The following GRM8 variants were observed in gnomAD, a reference collection of about 807,000 sequenced individuals.
The protein encoded by GRM8 is glutamate metabotropic receptor 8.
Under a neutral mutation model 87.2 loss-of-function variants are expected in GRM8, and 47 were observed. The observed-to-expected ratio is 0.54, with a 90% CI of 0.43 to 0.69. The LOEUF is 0.69. Among genes scored for constraint, GRM8 ranks in the 30% least tolerant of loss-of-function variants. GRM8 has a pLI of 0.00. For synonymous variants in GRM8, 396 were observed against 404.5 expected, an observed-to-expected ratio of 0.98 and a Z score of 0.25; for missense variants, 1,019 against 1,139.2, an observed-to-expected ratio of 0.89 and a Z score of 1.52.
In GRM8 at chr7:126,757,336, A is replaced by C. The variant is rs80332150; in HGVS notation, c.1357+12529T>G. On this transcript the variant is annotated intron_variant, in intron 7 of 10. Transcript: ENST00000339582. ...CAGGAGGATTTTGAGGTGCCAGCTG[A>C]GGATTTGGGGGTTTGTTTTGGTGTT... Among the ~76,000 whole-genome samples the C allele has an allele frequency of 3.5e-4, 54 of 152,158 alleles. No individual in the cohort carries two copies. The East Asian group carries it at 0.01, about 29-fold the overall frequency.
At chr7:126,853,669 A>G (rs921502496) in intron 6 of GRM8, among the ~76,000 whole-genome samples, 22 of 152,178 alleles carry the variant, frequency 1.4e-4, no homozygotes, top group Non-Finnish European at 1.9e-4. Flanking sequence ...GGACTTTACT[A>G]TAAGGATACA....
At chr7:126,515,922 C>A (rs1189265504) in intron 9 of GRM8, among the ~76,000 whole-genome samples, 1 of 151,954 alleles carries the variant, frequency 6.6e-6, no homozygotes, top group Non-Finnish European at 1.5e-5. Context: ...CTTTGGGAGG[C>A]CCTTATTCTG....
At chr7:126,746,712 T>A (rs1022134858) in intron 7 of GRM8, among the ~76,000 whole-genome samples, 31 of 151,620 alleles carry the variant, frequency 2.0e-4, no homozygotes. Context: ...TGACTCCCTT[T>A]TGCCTACACT....
At chr7:126,722,163 C>A (rs563880470) in intron 7 of GRM8, among the ~76,000 whole-genome samples, 4 of 152,260 alleles carry the variant, frequency 2.6e-5, no homozygotes, top group African/African-American at 9.6e-5. Context: ...TCCAACTGGA[C>A]CTCTCCAGAA....
intron 3 of GRM8, among the ~76,000 whole-genome samples, chr7:126,919,230 C>T (rs1364811027): frequency 6.6e-6 from 1 of 152,118 alleles, no homozygotes; most frequent in East Asian, 1.9e-4. Context: ...ACATTTGTGG[C>T]TATCAGTTCC....
intron 9 of GRM8, among the ~76,000 whole-genome samples, chr7:126,485,005 T>C (rs573796784): frequency 3.9e-5 from 6 of 152,152 alleles, no homozygotes; most frequent in African/African-American, 1.4e-4. Context: ...ACTATGGACC[T>C]TTCTGACTTG....
intron 3 of GRM8, among the ~76,000 whole-genome samples, chr7:126,954,467 C>T (rs184524897): frequency 1.1e-4 from 16 of 152,174 alleles, no homozygotes; most frequent in African/African-American, 1.7e-4. Flanking sequence ...ATGTCCCAGG[C>T]GATATTTGGG....
At chr7:127,188,378 C>T (rs1469786603) in intron 2 of GRM8, among the ~76,000 whole-genome samples, 1 of 152,096 alleles carries the variant, frequency 6.6e-6, no homozygotes, top group Admixed American at 6.6e-5. Flanking sequence ...AGCTTTGCTG[C>T]AGTTTCTAGG....
intron 9 of GRM8, among the ~76,000 whole-genome samples, chr7:126,508,142 T>G (rs1054613647): frequency 6.6e-6 from 1 of 152,048 alleles, no homozygotes; most frequent in South Asian, 2.1e-4. Flanking sequence ...TAAATTACAT[T>G]TTTATACCTT....
At chr7:127,104,255 C>G (rs932157500) in intron 3 of GRM8, among the ~76,000 whole-genome samples, 5 of 152,116 alleles carry the variant, frequency 3.3e-5, no homozygotes, top group Non-Finnish European at 7.4e-5. Context: ...CTTTCTCACT[C>G]AAGCTACTGA....
At position 126,830,601 on chromosome 7, in the gene GRM8, C is replaced by T. The variant is rs1226291778; in HGVS notation, c.1157-60536G>A. Among the ~76,000 whole-genome samples the T allele has an allele frequency of 3.3e-5, 5 of 152,124 alleles. No individual in the cohort carries two copies. The East Asian group carries it at 5.8e-4, about 18-fold the overall frequency. On this transcript the variant is annotated intron_variant, in intron 6 of 10. Coordinates refer to ENST00000339582, the MANE Select transcript of GRM8 (RefSeq NM_000845.3). ...GTATTGGTTATTCTAGTTATGCATT[C>T]GTCTTAATTTTTTTCAAAGTTTTCA... is the stretch of plus-strand genomic sequence containing the variant.
At chr7:127,205,053 T>C (rs1795823916) in intron 2 of GRM8, among the ~76,000 whole-genome samples, 1 of 152,188 alleles carries the variant, frequency 6.6e-6, no homozygotes, top group South Asian at 2.1e-4. Context: ...TTTGTTGGTT[T>C]GCGGAAAGAC....
At chr7:126,963,354 A>G (rs1809507038) in intron 3 of GRM8, among the ~76,000 whole-genome samples, 1 of 152,218 alleles carries the variant, frequency 6.6e-6, no homozygotes, top group East Asian at 1.9e-4. Context: ...ATCAATAACT[A>G]TCAATTGAAT....
chr7:127,087,121 C>T (rs1476943546), intron 3 of GRM8, among the ~76,000 whole-genome samples: 1 of 152,218 alleles, frequency 6.6e-6, no homozygotes, highest in Non-Finnish European at 1.5e-5. Context: ...GACATTAACA[C>T]AGGACCTGCA....
At chr7:126,626,353 A>C (rs1484888970) in intron 7 of GRM8, among the ~76,000 whole-genome samples, 1 of 152,142 alleles carries the variant, frequency 6.6e-6, no homozygotes, top group East Asian at 1.9e-4. Flanking sequence ...GAGTTTTTAA[A>C]TTATGCTGTT....
intron 7 of GRM8, among the ~76,000 whole-genome samples, chr7:126,750,002 G>A (rs146212262): frequency 3.3e-5 from 5 of 152,210 alleles, no homozygotes; most frequent in African/African-American, 1.2e-4. Flanking sequence ...TTAGCCAAGA[G>A]AAACAAAAGC....
intron 7 of GRM8, among the ~76,000 whole-genome samples, chr7:126,673,995 C>A (rs1170661362): frequency 1.3e-5 from 2 of 152,156 alleles, no homozygotes; most frequent in Admixed American, 6.5e-5. Flanking sequence ...TTCCTCAATT[C>A]TATTAACTGA....
chr7:126,624,866 G>A (rs1041541548), intron 7 of GRM8, among the ~76,000 whole-genome samples: 1 of 152,210 alleles, frequency 6.6e-6, no homozygotes, highest in African/African-American at 2.4e-5. Flanking sequence ...TTGAGCATCT[G>A]CATGTTAAAA....
chr7:127,106,896 C>T (rs1368136881), intron 2 of GRM8, among the ~76,000 whole-genome samples, 184 bp from the exon 3 acceptor site: 2 of 152,222 alleles, frequency 1.3e-5, no homozygotes, highest in Admixed American at 6.5e-5. Context: ...GGCTTACTTT[C>T]TCTCAATGCA....
Sources: allele counts gnomAD v4.1 joint callset (sites outside exome capture counted in the v4.1 genomes callset), GRCh38; gene constraint gnomAD v4.1.1; transcripts MANE v1.5; gene names NCBI Gene and HGNC (gene_info 2026-07-23, HGNC 2026-07-21).